SEMA3D: variants seen among roughly 807,000 people sequenced by gnomAD.
SEMA3D encodes the protein semaphorin-3D.
In SEMA3D, 84 loss-of-function variants were observed where a neutral mutation model predicts 100.1. That is an observed-to-expected ratio of 0.84 (90% CI 0.70 to 1.01). The LOEUF is 1.01. SEMA3D is among the 50% of genes least tolerant of loss of function. SEMA3D has a pLI of 0.00. For missense variants in SEMA3D, 875 were observed against 934.1 expected (o/e 0.94, Z 0.82); for synonymous variants, 312 against 320.7 (o/e 0.97, Z 0.29).
chr7:85,196,652 A>G, the SEMA3D span, among the ~76,000 whole-genome samples: 3 of 152,192 alleles, frequency 2.0e-5, no homozygotes, highest in Non-Finnish European at 4.4e-5. Context: ...TAAAGACTAG[A>G]AAAGACTTTT....
intron 5 of SEMA3D, among the ~76,000 whole-genome samples, chr7:85,080,208 T>C (rs1026708459): frequency 6.6e-6 from 1 of 152,154 alleles, no homozygotes; most frequent in African/African-American, 2.4e-5. Flanking sequence ...AAGTCATCAT[T>C]TGAGCAGTAT....
chr7:85,137,549 A>T (rs568059841), intron 2 of SEMA3D, among the ~76,000 whole-genome samples: 51 of 152,120 alleles, frequency 3.4e-4, no homozygotes, highest in African/African-American at 1.2e-3. Flanking sequence ...CTCCATTTTC[A>T]TGCCACTAAT....
chr7:85,245,664 G>A, the SEMA3D span, among the ~76,000 whole-genome samples: 8 of 152,040 alleles, frequency 5.3e-5, no homozygotes, highest in South Asian at 4.1e-4. Context: ...AAGATAAGCC[G>A]ATTAAATATG....
intron 1 of SEMA3D, among the ~76,000 whole-genome samples, chr7:85,161,366 G>A (rs892340328): frequency 1.3e-5 from 2 of 151,220 alleles, no homozygotes; most frequent in African/African-American, 2.4e-5. Flanking sequence ...TAGCAATAGG[G>A]GTAAATATAA....
At chr7:85,026,689 CT>C (rs1299585980) in intron 12 of SEMA3D, among the ~76,000 whole-genome samples, 5 of 151,960 alleles carry the variant, frequency 3.3e-5, no homozygotes, top group African/African-American at 1.2e-4. Flanking sequence ...TAAAACATGT[CT>C]TTTAAAACTC....
intron 9 of SEMA3D, among the ~76,000 whole-genome samples, chr7:85,043,966 T>G (rs1401287075): frequency 6.6e-6 from 1 of 152,128 alleles, no homozygotes; most frequent in Admixed American, 6.6e-5. Flanking sequence ...ATAAGCATGA[T>G]TTTTCATTCA....
chr7:85,196,398 TAG>T, the SEMA3D span, among the ~76,000 whole-genome samples: 2 of 150,800 alleles, frequency 1.3e-5, no homozygotes, highest in African/African-American at 4.9e-5. Flanking sequence ...GAGCTTAGAG[TAG>T]AAAAAGGTAG....
intron 8 of SEMA3D, among the ~76,000 whole-genome samples, chr7:85,064,077 C>T (rs372823368): frequency 6.6e-6 from 1 of 152,190 alleles, no homozygotes; most frequent in Non-Finnish European, 1.5e-5. Flanking sequence ...ATATTTCCTA[C>T]ATTTATTGTA....
chr7:85,081,415 A>C (rs2116232792), intron 5 of SEMA3D, 102 bp downstream of exon 5: 1 of 707,744 alleles, frequency 1.4e-6, no homozygotes, highest in East Asian at 2.7e-5. Context: ...TAGTCTGAAA[A>C]ATAATACACT....
intron 17 of SEMA3D, among the ~76,000 whole-genome samples, chr7:85,011,366 T>C (rs1403893350): frequency 6.6e-6 from 1 of 151,820 alleles, no homozygotes; most frequent in Non-Finnish European, 1.5e-5. Flanking sequence ...ATGATGATTA[T>C]TAGAAAAGAC....
intron 2 of SEMA3D, among the ~76,000 whole-genome samples, chr7:85,148,664 G>A (rs1484782578): frequency 1.3e-5 from 2 of 152,118 alleles, no homozygotes; most frequent in Admixed American, 1.3e-4. Context: ...TATCTTCTCA[G>A]TACAATACAT....
chr7:85,210,100 G>C, the SEMA3D span, among the ~76,000 whole-genome samples: 4 of 151,998 alleles, frequency 2.6e-5, no homozygotes, highest in Non-Finnish European at 5.9e-5. Flanking sequence ...TAACTAATGG[G>C]AGGCTCTAAA....
At chr7:85,197,588 C>A in the SEMA3D span, among the ~76,000 whole-genome samples, 1 of 151,978 alleles carries the variant, frequency 6.6e-6, no homozygotes, top group Admixed American at 6.6e-5. Context: ...TGCACCCCGA[C>A]CACCTTGGGC....
intron 2 of SEMA3D, chr7:85,141,300 T>C: frequency 2.0e-6 from 2 of 984,476 alleles, no homozygotes; most frequent in Non-Finnish European, 2.4e-6. Flanking sequence ...TTCAGGAATT[T>C]TAACATTGTC....
intron 3 of SEMA3D, among the ~76,000 whole-genome samples, chr7:85,101,390 A>C (rs1788738012): frequency 6.6e-6 from 1 of 152,022 alleles, no homozygotes. Flanking sequence ...TTAATTACAA[A>C]ATGAAATATT....
At chr7:85,140,327 T>C in intron 2 of SEMA3D, 1 of 982,792 alleles carries the variant, frequency 1.0e-6, no homozygotes, top group African/African-American at 1.7e-5. Context: ...ATGCACGGCA[T>C]TAGAAATCAT....
chr7:85,188,752 T>C (rs1009460211), upstream of SEMA3D, among the ~76,000 whole-genome samples: 6 of 152,220 alleles, frequency 3.9e-5, no homozygotes, highest in African/African-American at 1.4e-4. Flanking sequence ...TTTTAAGTTG[T>C]AGCTTAATAT....
chr7:85,104,004 T>C (rs1356221277), intron 3 of SEMA3D, among the ~76,000 whole-genome samples: 2 of 152,158 alleles, frequency 1.3e-5, no homozygotes, highest in Non-Finnish European at 1.5e-5. Context: ...TCTTCATTTG[T>C]CTTTATTAAC....
At chr7:85,108,885 C>T (rs1023987538) in intron 3 of SEMA3D, among the ~76,000 whole-genome samples, 1 of 151,552 alleles carries the variant, frequency 6.6e-6, no homozygotes, top group African/African-American at 2.4e-5. Context: ...TTTTTCCCCT[C>T]AGCTTTTTTT....
Sources: allele counts gnomAD v4.1 joint callset (sites outside exome capture counted in the v4.1 genomes callset), GRCh38; gene constraint gnomAD v4.1.1; transcripts MANE v1.5; gene names NCBI Gene and HGNC (gene_info 2026-07-23, HGNC 2026-07-21).